The following KCND2 variants were observed in gnomAD, a reference collection of about 807,000 sequenced individuals.
The protein encoded by KCND2 is A-type voltage-gated potassium channel KCND2.
KCND2 carries 16 observed loss-of-function variants against 54.4 expected under a neutral mutation model. The observed-to-expected ratio is 0.29, with a 90% CI of 0.20 to 0.45. The LOEUF is 0.45. KCND2 is among the 20% of genes least tolerant of loss of function. The probability of loss-of-function intolerance (pLI) is 1.00; values close to 1 mark genes in which losing one functional copy is unlikely to be tolerated. For missense variants in KCND2, 486 were observed against 824.2 expected, an observed-to-expected ratio of 0.59 and a Z score of 5.02; for synonymous variants, 317 against 310.7, an observed-to-expected ratio of 1.02 and a Z score of -0.21.
At chr7:120,554,792 GAA>G (rs1305030090) in intron 1 of KCND2, among the ~76,000 whole-genome samples, 1 of 152,144 alleles carries the variant, frequency 6.6e-6, no homozygotes, top group Non-Finnish European at 1.5e-5. Flanking sequence ...CTGGATTAGA[GAA>G]AAGTCTCATA....
intron 1 of KCND2, among the ~76,000 whole-genome samples, chr7:120,713,771 T>C (rs1281546064): frequency 2.0e-5 from 3 of 151,878 alleles, no homozygotes; most frequent in Non-Finnish European, 1.5e-5. Flanking sequence ...CTCACTGTCA[T>C]TGAGAGGATT....
At chr7:120,431,483 G>C (rs930829744) in intron 1 of KCND2, among the ~76,000 whole-genome samples, 1 of 152,178 alleles carries the variant, frequency 6.6e-6, no homozygotes, top group African/African-American at 2.4e-5. Context: ...AGGGAGTTTA[G>C]TGAAGGTGGG....
chr7:120,520,768 G>A (rs796514226), intron 1 of KCND2, among the ~76,000 whole-genome samples: 7 of 152,246 alleles, frequency 4.6e-5, no homozygotes, highest in African/African-American at 1.7e-4. Flanking sequence ...GTGTGCATTA[G>A]CTAAGGTAAT....
intron 1 of KCND2, among the ~76,000 whole-genome samples, chr7:120,696,464 C>A (rs1450917181): frequency 6.6e-6 from 1 of 152,140 alleles, no homozygotes; most frequent in Non-Finnish European, 1.5e-5. Flanking sequence ...GGCCATGTTA[C>A]AAAACTGTGT....
At chr7:120,315,697 A>G (rs929755992) in intron 1 of KCND2, among the ~76,000 whole-genome samples, 2 of 151,858 alleles carry the variant, frequency 1.3e-5, no homozygotes, top group Non-Finnish European at 2.9e-5. Context: ...ATAGTCATAA[A>G]TCATTGTTGT....
intron 1 of KCND2, among the ~76,000 whole-genome samples, chr7:120,293,984 T>A (rs1799473745): frequency 6.6e-6 from 1 of 152,022 alleles, no homozygotes; most frequent in East Asian, 1.9e-4. Context: ...TCTCTGCTCT[T>A]GAAGTATATT....
At chr7:120,554,730 C>T (rs10085878) in intron 1 of KCND2, among the ~76,000 whole-genome samples, 140,994 of 152,232 alleles carry the variant, frequency 0.93, 65,879 homozygotes, top group Middle Eastern at 0.99. Context: ...TTCTAACAGA[C>T]TGCCAGGAGA....
At chr7:120,303,565 A>G (rs999594653) in intron 1 of KCND2, among the ~76,000 whole-genome samples, 3 of 152,194 alleles carry the variant, frequency 2.0e-5, no homozygotes, top group East Asian at 1.9e-4. Context: ...TCTGCCAAAG[A>G]CAAAATTTTT....
At chr7:120,638,152 G>C (rs1339913475) in intron 1 of KCND2, among the ~76,000 whole-genome samples, 1 of 152,104 alleles carries the variant, frequency 6.6e-6, no homozygotes, top group East Asian at 1.9e-4. Context: ...TCTTAGACAT[G>C]TGCTGGTAAA....
At chr7:120,282,150 T>C (rs1799275012) in intron 1 of KCND2, among the ~76,000 whole-genome samples, 2 of 152,128 alleles carry the variant, frequency 1.3e-5, no homozygotes, top group African/African-American at 4.8e-5. Context: ...CATAGAAATA[T>C]ACTACCTTCC....
chr7:120,583,428 A>T (rs1303547080), intron 1 of KCND2, among the ~76,000 whole-genome samples: 1 of 152,148 alleles, frequency 6.6e-6, no homozygotes, highest in Non-Finnish European at 1.5e-5. Context: ...TGTGTTTTAT[A>T]TTAGTTTGTT....
At chr7:120,276,243 A>G (rs1387848826) in intron 1 of KCND2, among the ~76,000 whole-genome samples, 1 of 152,190 alleles carries the variant, frequency 6.6e-6, no homozygotes, top group Non-Finnish European at 1.5e-5. Context: ...ACATCGTAAT[A>G]CATAGATTGT....
intron 1 of KCND2, among the ~76,000 whole-genome samples, chr7:120,380,743 C>T (rs543839619): frequency 1.3e-5 from 2 of 151,670 alleles, no homozygotes; most frequent in South Asian, 2.1e-4. Flanking sequence ...TTGACCATAT[C>T]GTAAAAAAAA....
chr7:120,462,367 A>G (rs1484365970), intron 1 of KCND2, among the ~76,000 whole-genome samples: 1 of 152,074 alleles, frequency 6.6e-6, no homozygotes, highest in Non-Finnish European at 1.5e-5. Context: ...AGCATGTTCA[A>G]CATAAATGCT....
At chr7:120,693,324 T>A (rs1262979754) in intron 1 of KCND2, among the ~76,000 whole-genome samples, 1 of 152,186 alleles carries the variant, frequency 6.6e-6, no homozygotes, top group Non-Finnish European at 1.5e-5. Flanking sequence ...TTAACAGGTA[T>A]AATTCATTAC....
At chr7:120,411,583 G>C (rs1009219447) in intron 1 of KCND2, among the ~76,000 whole-genome samples, 4 of 151,876 alleles carry the variant, frequency 2.6e-5, no homozygotes. Context: ...ATATGTGGGG[G>C]AAATATAAGG....
rs529398373 is a variant in KCND2 at position 120,684,868 on chromosome 7, A to T, written c.1116-48035A>T. Among the ~76,000 whole-genome samples the T allele has an allele frequency of 3.3e-5, 5 of 152,292 alleles. No individual in the cohort carries two copies. In the South Asian group the frequency reaches 1.0e-3, roughly 32 times the overall value. ...TACAGATTGCACATTCCTTATGAGA[A>T]TCTAATGTCTGATAATCTGTCACTG... On this transcript the variant is annotated intron_variant, in intron 1 of 5. Transcript: ENST00000331113.
At chr7:120,662,173 A>G (rs1791873385) in intron 1 of KCND2, among the ~76,000 whole-genome samples, 1 of 152,174 alleles carries the variant, frequency 6.6e-6, no homozygotes. Context: ...AAAAATCCCA[A>G]GATAGTAGAG....
At chr7:120,424,012 A>G (rs1034099137) in intron 1 of KCND2, among the ~76,000 whole-genome samples, 2 of 152,222 alleles carry the variant, frequency 1.3e-5, no homozygotes, top group African/African-American at 4.8e-5. Context: ...AGGGATAAAA[A>G]CATAAAATTG....
Sources: gnomAD v4.1 joint callset for allele counts (sites outside exome capture counted in the v4.1 genomes callset) on GRCh38, gnomAD v4.1.1 for gene constraint, MANE v1.5 for transcripts, NCBI Gene and HGNC (gene_info 2026-07-23, HGNC 2026-07-21) for gene names.